The following ZMYM2 variants were observed in gnomAD, a reference collection of about 807,000 sequenced individuals.
ZMYM2 encodes the protein zinc finger MYM-type protein 2.
ZMYM2 carries 56 observed loss-of-function variants against 162.8 expected under a neutral mutation model. That is an observed-to-expected ratio of 0.34 (90% CI 0.28 to 0.43). ZMYM2 has a LOEUF of 0.43. ZMYM2 is among the 20% of genes least tolerant of loss of function. The probability of loss-of-function intolerance (pLI) is 1.00; values close to 1 mark genes in which losing one functional copy is unlikely to be tolerated. For missense variants in ZMYM2, 1,275 were observed against 1,621.8 expected (o/e 0.79, Z 3.67); for synonymous variants, 510 against 541.6 (o/e 0.94, Z 0.81).
chr13:20,015,137 C>T (rs991720430), intron 6 of ZMYM2, among the ~76,000 whole-genome samples: 5 of 152,110 alleles, frequency 3.3e-5, no homozygotes, highest in Non-Finnish European at 7.4e-5. Context: ...AGTTGCATCT[C>T]ATAACTTTTG....
In ZMYM2 at chr13:19,993,198, A is replaced by G. The variant is rs1426366586; in HGVS notation, c.126A>G (p.Leu42=). ...CATTTAGTGGTCCAGCTAATCCTTT[A>G]GTGTCTAGATCTAATAAGTTTCAGA... The part of the protein sequence containing the change: ...GNSFSGPANP[L]VSRSNKFQNS... The change falls in exon 3 of 25, where the codon TTA becomes TTG. Residue 42 remains leucine (L), a synonymous_variant. Transcript: ENST00000610343. 6.2e-7 allele frequency: 1 copy of G among 1,613,964 alleles called. No individual in the cohort carries two copies. Among genetic ancestry groups the G allele is most frequent in the African/African-American group, 1.3e-5 (1 of 74,934 alleles).
At chr13:19,908,680 T>G in the ZMYM2 span, among the ~76,000 whole-genome samples, 3 of 152,342 alleles carry the variant, frequency 2.0e-5, no homozygotes, top group East Asian at 5.8e-4. Context: ...AAGTGCTATA[T>G]TTCCCCAAAC....
chr13:19,931,080 A>G, the ZMYM2 span, among the ~76,000 whole-genome samples: 7 of 150,484 alleles, frequency 4.7e-5, no homozygotes, highest in South Asian at 6.3e-4. Flanking sequence ...CGGAGCTTGC[A>G]GTGAGCCGAG....
the ZMYM2 span, among the ~76,000 whole-genome samples, chr13:19,945,850 G>T: frequency 6.6e-6 from 1 of 151,042 alleles, no homozygotes; most frequent in East Asian, 1.9e-4. Flanking sequence ...TTGGGAGGCC[G>T]AGGCAGGAGA....
At chr13:20,012,060 ATT>A (rs1240064219) in intron 6 of ZMYM2, among the ~76,000 whole-genome samples, 2 of 151,886 alleles carry the variant, frequency 1.3e-5, no homozygotes, top group Middle Eastern at 3.4e-3. Context: ...TAATACTTGT[ATT>A]TTTAGTAGAG....
At chr13:19,868,039 G>C in the ZMYM2 span, among the ~76,000 whole-genome samples, 1 of 152,200 alleles carries the variant, frequency 6.6e-6, no homozygotes, top group Non-Finnish European at 1.5e-5. Flanking sequence ...AACCTTACTA[G>C]TGCCAGAGAG....
chr13:19,937,125 G>T, the ZMYM2 span, among the ~76,000 whole-genome samples: 1 of 151,162 alleles, frequency 6.6e-6, no homozygotes, highest in African/African-American at 2.4e-5. Context: ...AAAAATATAT[G>T]ACATTAAATG....
At chr13:19,955,313 G>A (rs1954482127), upstream of ZMYM2, among the ~76,000 whole-genome samples, 1 of 152,074 alleles carries the variant, frequency 6.6e-6, no homozygotes, top group African/African-American at 2.4e-5. Context: ...TAAGTGAGGT[G>A]CAAGGTGCAA....
At chr13:19,978,175 C>T (rs1956959633) in intron 2 of ZMYM2, among the ~76,000 whole-genome samples, 1 of 152,002 alleles carries the variant, frequency 6.6e-6, no homozygotes, top group South Asian at 2.1e-4. Flanking sequence ...CTGCACCCAG[C>T]CTAAAAGTAT....
At chr13:20,039,073 C>A (rs1480778936) in intron 12 of ZMYM2, among the ~76,000 whole-genome samples, 1 of 152,090 alleles carries the variant, frequency 6.6e-6, no homozygotes, top group African/African-American at 2.4e-5. Flanking sequence ...ATTTGGCCCT[C>A]AGCTTGATTG....
intron 21 of ZMYM2, among the ~76,000 whole-genome samples, chr13:20,079,617 T>C (rs1024149346): frequency 6.6e-6 from 1 of 152,202 alleles, no homozygotes; most frequent in Non-Finnish European, 1.5e-5. Flanking sequence ...AACAATAATA[T>C]GGCATTGCTT....
chr13:20,053,954 A>G (rs1039184539), intron 14 of ZMYM2, among the ~76,000 whole-genome samples: 5 of 152,318 alleles, frequency 3.3e-5, no homozygotes, highest in Non-Finnish European at 7.4e-5. Context: ...TCCCTATTTT[A>G]TATTTATAAG....
the ZMYM2 span, among the ~76,000 whole-genome samples, chr13:19,945,904 G>A: frequency 1.4e-5 from 2 of 143,060 alleles, no homozygotes; most frequent in African/African-American, 2.6e-5. Flanking sequence ...AGCCAAGATC[G>A]TGCCATTGCA....
chr13:20,060,730 A>G (rs570106776), intron 16 of ZMYM2, among the ~76,000 whole-genome samples: 3 of 152,336 alleles, frequency 2.0e-5, no homozygotes, highest in East Asian at 3.9e-4. Flanking sequence ...GAACTGAAAC[A>G]TAGAATTTCA....
chr13:19,917,493 G>A, the ZMYM2 span, among the ~76,000 whole-genome samples: 1 of 151,616 alleles, frequency 6.6e-6, no homozygotes, highest in African/African-American at 2.4e-5. Context: ...GGGAGGCTGA[G>A]GCAGGAGAAT....
chr13:19,942,171 G>A, the ZMYM2 span, among the ~76,000 whole-genome samples: 3 of 152,020 alleles, frequency 2.0e-5, no homozygotes, highest in Non-Finnish European at 4.4e-5. Flanking sequence ...ATAGCTTCAT[G>A]TGTAAGAAAT....
At chr13:19,900,751 A>C in the ZMYM2 span, among the ~76,000 whole-genome samples, 1 of 152,176 alleles carries the variant, frequency 6.6e-6, no homozygotes, top group Non-Finnish European at 1.5e-5. Flanking sequence ...AAAGTACTAC[A>C]AAACAGAATT....
chr13:19,920,986 G>T, the ZMYM2 span, among the ~76,000 whole-genome samples: 1 of 151,340 alleles, frequency 6.6e-6, no homozygotes, highest in Non-Finnish European at 1.5e-5. Context: ...GGCCAGGATG[G>T]TCTCCATCCC....
At chr13:20,012,134 C>T (rs1402096987) in intron 6 of ZMYM2, among the ~76,000 whole-genome samples, 2 of 151,984 alleles carry the variant, frequency 1.3e-5, no homozygotes, top group Admixed American at 6.6e-5. Flanking sequence ...GATCCTCCTG[C>T]CTTGGCCTCC....
Sources: gnomAD v4.1 joint callset for allele counts (sites outside exome capture counted in the v4.1 genomes callset) on GRCh38, gnomAD v4.1.1 for gene constraint, MANE v1.5 for transcripts, NCBI Gene and HGNC (gene_info 2026-07-23, HGNC 2026-07-21) for gene names.